Variants in HACD2 observed in about 807,000 individuals in gnomAD.
HACD2 encodes 3-hydroxyacyl-CoA dehydratase 2, also known as very-long-chain (3R)-3-hydroxyacyl-CoA dehydratase 2.
In HACD2, 15 loss-of-function variants were observed where a neutral mutation model predicts 31.0. The ratio of observed to expected loss-of-function variants is 0.48; its 90% CI spans 0.32 to 0.75. The LOEUF is 0.75. HACD2 is among the 30% of genes least tolerant of loss of function. The probability of loss-of-function intolerance (pLI) is 0.03; values close to 1 mark genes in which losing one functional copy is unlikely to be tolerated. For synonymous variants in HACD2, 115 were observed against 122.2 expected, an observed-to-expected ratio of 0.94 and a Z score of 0.39; for missense variants, 283 against 313.0, an observed-to-expected ratio of 0.90 and a Z score of 0.72.
At chr3:123,535,593 T>A (rs1393505692) in intron 3 of HACD2, among the ~76,000 whole-genome samples, 1 of 152,224 alleles carries the variant, frequency 6.6e-6, no homozygotes, top group Non-Finnish European at 1.5e-5. Flanking sequence ...TCCTGAATGT[T>A]TATTAATGAG....
At chr3:123,557,319 T>C (rs1023011044) in intron 3 of HACD2, among the ~76,000 whole-genome samples, 4 of 152,102 alleles carry the variant, frequency 2.6e-5, no homozygotes, top group African/African-American at 9.7e-5. Flanking sequence ...CCTCCCCTTA[T>C]CCCCAGTCCA....
rs760790505 is a variant in HACD2 at position 123,568,539 on chromosome 3, C to T, written c.274-759G>A. ...GCTGGCGATTCTGGGGTCTGTCTTC[C>T]CCATTTTTATTTCCAGTGCGTTGAG... On this transcript the variant is annotated intron_variant, in intron 2 of 6. Coordinates refer to ENST00000383657, the MANE Select transcript of HACD2 (RefSeq NM_198402.5). Among the ~76,000 whole-genome samples the T allele has an allele frequency of 2.8e-4, 42 of 152,132 alleles. 1 individual carries two copies. The highest frequency in any genetic ancestry group is 1.9e-3 in the Admixed American group (29 of 15,274).
At chr3:123,509,721 G>A (rs980042722) in intron 4 of HACD2, among the ~76,000 whole-genome samples, 14 of 152,034 alleles carry the variant, frequency 9.2e-5, no homozygotes, top group African/African-American at 2.9e-4. Context: ...GGATGGTCTC[G>A]ATCTCCTGAC....
At chr3:123,576,635 G>A (rs1292823093) in intron 2 of HACD2, among the ~76,000 whole-genome samples, 1 of 152,164 alleles carries the variant, frequency 6.6e-6, no homozygotes, top group Non-Finnish European at 1.5e-5. Flanking sequence ...CATTTCAGAA[G>A]TTCCTTTTTG....
chr3:123,525,922 G>A (rs530344555), intron 4 of HACD2, among the ~76,000 whole-genome samples: 9 of 152,276 alleles, frequency 5.9e-5, no homozygotes, highest in Non-Finnish European at 1.2e-4. Context: ...TCAGGAAATC[G>A]AAGAACAGAA....
chr3:123,522,661 A>AC (rs1347785687), intron 4 of HACD2, among the ~76,000 whole-genome samples: 1 of 58,394 alleles, frequency 1.7e-5, no homozygotes, highest in African/African-American at 4.0e-5. Flanking sequence ...AAATAAGGAG[A>AC]CTTTTTTTTT....
intron 3 of HACD2, among the ~76,000 whole-genome samples, chr3:123,542,139 T>A (rs1576764577): frequency 1.8e-5 from 1 of 54,798 alleles, no homozygotes; most frequent in African/African-American, 8.5e-5. Context: ...AGAGCGAGAC[T>A]CCGTCTCAAA....
chr3:123,505,844 G>A (rs1192007337), intron 4 of HACD2, among the ~76,000 whole-genome samples: 1 of 152,250 alleles, frequency 6.6e-6, no homozygotes, highest in East Asian at 1.9e-4. Flanking sequence ...AACTGGCAGG[G>A]AGTAAAATGC....
intron 4 of HACD2, among the ~76,000 whole-genome samples, chr3:123,507,314 T>C (rs959791664): frequency 3.3e-5 from 5 of 152,328 alleles, no homozygotes; most frequent in African/African-American, 4.8e-5. Context: ...CAAATGTTCA[T>C]AGAGTATTAG....
At chr3:123,549,381 A>G (rs2056594626) in intron 3 of HACD2, among the ~76,000 whole-genome samples, 1 of 152,130 alleles carries the variant, frequency 6.6e-6, no homozygotes, top group Non-Finnish European at 1.5e-5. Flanking sequence ...ACACTTCTCA[A>G]GGCTACAGTG....
intron 2 of HACD2, among the ~76,000 whole-genome samples, chr3:123,575,280 A>G (rs1310300156): frequency 6.6e-6 from 1 of 151,928 alleles, no homozygotes; most frequent in Non-Finnish European, 1.5e-5. Flanking sequence ...CTAATTTTTT[A>G]AATTTTTAAA....
chr3:123,569,101 G>A (rs969583013), intron 2 of HACD2, among the ~76,000 whole-genome samples: 2 of 152,124 alleles, frequency 1.3e-5, no homozygotes, highest in African/African-American at 4.8e-5. Flanking sequence ...GGGGAGGGAT[G>A]TGGGGAGATT....
intron 3 of HACD2, among the ~76,000 whole-genome samples, chr3:123,562,872 A>C (rs1373477962): frequency 6.6e-6 from 1 of 152,254 alleles, no homozygotes; most frequent in East Asian, 1.9e-4. Flanking sequence ...TGCTACCGAA[A>C]AATAAACCAT....
At position 123,492,818 on chromosome 3, in the gene HACD2, C is replaced by G. The variant is rs537227914; in HGVS notation, c.*2070G>C. 2.0e-5 allele frequency: 3 copies of G among 152,138 alleles called. No individual in the cohort carries two copies. The South Asian group carries it at 6.2e-4, about 32-fold the overall frequency. The allele number at this position is 152,138 out of a possible 1,614,324, so 9.4% of individuals were successfully genotyped here. A position where few individuals can be genotyped will look rare whatever the true frequency, so the allele number is the denominator to read the frequency against. On this transcript the variant is annotated 3_prime_UTR_variant, in exon 7 of 7. Transcript: ENST00000383657. Reference sequence around the variant, plus strand: ...AACAAAGTAAATGACAAATATAACCCAAGTTGATTCTATTTTATAGTAGAA... The same window carrying G: ...AACAAAGTAAATGACAAATATAACCGAAGTTGATTCTATTTTATAGTAGAA...
In HACD2 at chr3:123,502,674, C is replaced by T. The variant is rs1308974718; in HGVS notation, c.389G>A (p.Ser130Asn). 6.2e-7 allele frequency: 1 copy of T among 1,602,132 alleles called. No homozygotes were observed. The highest frequency in any genetic ancestry group is 1.7e-5 in the Admixed American group (1 of 58,104). ...AVTHSVKEVQ[S>N]EDSVLLFVIA... is the part of the protein sequence containing the mutation. ...AACAAACAGGAGGACACTGTCTTCA[C>T]TCTGTACCTGAAGGAAGAGGAAAAC... Residue 130 changes from serine (S) to asparagine (N), a missense_variant, in exon 5 of 7, where the codon AGT becomes AAT. Physicochemically the swap from Ser to Asn is conservative, Grantham distance 46. Coordinates refer to ENST00000383657, the MANE Select transcript of HACD2 (RefSeq NM_198402.5).
intron 3 of HACD2, among the ~76,000 whole-genome samples, chr3:123,550,474 C>T (rs184464049): frequency 3.6e-4 from 55 of 152,268 alleles, no homozygotes; most frequent in African/African-American, 1.2e-3. Flanking sequence ...GCAAAAGAGG[C>T]TTTGTTTTTT....
intron 3 of HACD2, among the ~76,000 whole-genome samples, chr3:123,538,004 T>C (rs148271099): frequency 6.6e-6 from 1 of 152,304 alleles, no homozygotes; most frequent in Non-Finnish European, 1.5e-5. Context: ...CAAGCTAATC[T>C]CAGGGTAACA....
rs2055777761 is a variant in HACD2 at position 123,492,614 on chromosome 3, C to T, written c.*2274G>A. 6.6e-6 allele frequency: 1 copy of T among 152,160 alleles called. No homozygotes were observed. Among genetic ancestry groups the T allele is most frequent in the South Asian group, 2.1e-4 (1 of 4,824 alleles). 9.4% of individuals were successfully genotyped at this position (152,160 alleles called of 1,614,324 possible). A position where few individuals can be genotyped will look rare whatever the true frequency, so the allele number is the denominator to read the frequency against. On this transcript the variant is annotated 3_prime_UTR_variant, in exon 7 of 7. Coordinates refer to ENST00000383657, the MANE Select transcript of HACD2 (RefSeq NM_198402.5). ...AAAAGGGAGCTGTGTGCTGTGTTCT[C>T]ATTGCCAAAGTTCAATTCAATGCAA...
chr3:123,528,628 T>C (rs932873713), intron 3 of HACD2, among the ~76,000 whole-genome samples, 154 bp from the exon 4 acceptor site: 3 of 152,192 alleles, frequency 2.0e-5, no homozygotes, highest in Non-Finnish European at 4.4e-5. Context: ...AAGTTTTCAA[T>C]GTAGTCCACA....
Sources: allele counts gnomAD v4.1 joint callset (sites outside exome capture counted in the v4.1 genomes callset), GRCh38; gene constraint gnomAD v4.1.1; transcripts MANE v1.5; gene names NCBI Gene and HGNC (gene_info 2026-07-23, HGNC 2026-07-21).